ENOX2: variants seen among roughly 807,000 people sequenced by gnomAD.
ENOX2 encodes ecto-NOX disulfide-thiol exchanger 2.
In ENOX2, 36 loss-of-function variants were observed where a neutral mutation model predicts 45.0. That is an observed-to-expected ratio of 0.80 (90% CI 0.61 to 1.06). The LOEUF is 1.06. ENOX2 is among the 50% of genes least tolerant of loss of function. The pLI is 0.00. For missense variants in ENOX2, 423 were observed against 462.5 expected, an observed-to-expected ratio of 0.91 and a Z score of 0.78; for synonymous variants, 174 against 152.3, an observed-to-expected ratio of 1.14 and a Z score of -1.05.
rs770242470 is a variant in ENOX2 at position 130,798,119 on chromosome X, T to TA, written c.-182-14430dup. On this transcript the variant is annotated intron_variant, in intron 2 of 14. Transcript: ENST00000394363. Reference sequence around the variant, plus strand: ...GGGTGGAACCTAAGCATCTAGTTTTTAAAAGCCACCAGGTGGCCAGGCATG... The same window carrying TA: ...GGGTGGAACCTAAGCATCTAGTTTTTAAAAAGCCACCAGGTGGCCAGGCATG... Among the ~76,000 whole-genome samples, 69 of 111,770 alleles carry TA rather than the reference T, an allele frequency of 6.2e-4. 2 individuals carry two copies. In the South Asian group the frequency reaches 0.026, roughly 41 times the overall value.
chrX:130,696,228 C>T (rs746166068), intron 4 of ENOX2, among the ~76,000 whole-genome samples: 145 of 111,927 alleles, frequency 1.3e-3, no homozygotes, highest in Non-Finnish European at 2.2e-3. Flanking sequence ...TCCTTTAGTG[C>T]AAAGTTTTGC....
rs368789969 is a variant in ENOX2, at chrX:130,846,893, C to G, written c.-183+54791G>C. Reference sequence around the variant, plus strand: ...AGAGAAAAAATCCATACTTCATAAGCAGAAAGCTGAAACTATGTCCAACCA... The same window carrying G: ...AGAGAAAAAATCCATACTTCATAAGGAGAAAGCTGAAACTATGTCCAACCA... On this transcript the variant is annotated intron_variant, in intron 2 of 14. Transcript: ENST00000394363. Among the ~76,000 whole-genome samples the G allele has an allele frequency of 3.6e-5, 4 of 111,976 alleles. No homozygotes were observed. In the East Asian group the frequency reaches 1.1e-3, roughly 31 times the overall value.
intron 2 of ENOX2, among the ~76,000 whole-genome samples, chrX:130,811,011 C>G (rs929138340): frequency 2.7e-5 from 3 of 112,165 alleles, no homozygotes; most frequent in Non-Finnish European, 3.8e-5. Flanking sequence ...TCAGAAAACC[C>G]AGGGTACTGC....
chrX:130,662,534 C>CTAGTTGAT (rs1472788852), intron 9 of ENOX2, among the ~76,000 whole-genome samples: 2 of 111,558 alleles, frequency 1.8e-5, no homozygotes, highest in Non-Finnish European at 3.8e-5. Flanking sequence ...ATAAGGCAGC[C>CTAGTTGAT]TAGTTGATTA....
In ENOX2 at chrX:130,709,457, G is replaced by A. The variant is rs913985596; in HGVS notation, c.-38-6203C>T. 3 of 464,704 alleles carry A rather than the reference G, an allele frequency of 6.5e-6. No homozygotes were observed. The African/African-American group carries it at 7.3e-5, about 11-fold the overall frequency. The allele number at this position is 464,704 out of a possible 1,213,427, so 38.3% of individuals were successfully genotyped here. A position where few individuals can be genotyped will look rare whatever the true frequency, so the allele number is the denominator to read the frequency against. ...AGTTCAAGACCAGCCAGGTCAACAT[G>A]GTAAAACCCAACGTCTACTAAAAAT... On this transcript the variant is annotated intron_variant, in intron 3 of 14. Coordinates refer to ENST00000394363, the MANE Select transcript of ENOX2 (RefSeq NM_006375.4).
At chrX:130,748,244 G>A (rs2039139186) in intron 3 of ENOX2, among the ~76,000 whole-genome samples, 1 of 111,987 alleles carries the variant, frequency 8.9e-6, no homozygotes, top group Non-Finnish European at 1.9e-5. Flanking sequence ...GATACTGTGG[G>A]AAGTATATTA....
chrX:130,753,762 A>G (rs1372608624), intron 3 of ENOX2, among the ~76,000 whole-genome samples: 1 of 111,514 alleles, frequency 9.0e-6, no homozygotes, highest in African/African-American at 3.3e-5. Flanking sequence ...TCATCTATTG[A>G]TACACGGTTA....
intron 5 of ENOX2, among the ~76,000 whole-genome samples, chrX:130,682,583 CAAAAAAAAAAAAAAAAAAAAAA>C (rs55875735): frequency 1.4e-4 from 2 of 14,659 alleles, no homozygotes; most frequent in South Asian, 0.014. Context: ...GACTCCGTCT[CAAAAAAAAAAAAAAAAAAAAAA>C]AAAAAAAAAA....
At chrX:130,639,241 G>C (rs947923764) in intron 10 of ENOX2, among the ~76,000 whole-genome samples, 5 of 111,899 alleles carry the variant, frequency 4.5e-5, no homozygotes, top group Non-Finnish European at 9.4e-5. Flanking sequence ...TGGGGTTTTA[G>C]AAGAACCTAA....
chrX:130,636,022 A>G (rs1220805056), intron 11 of ENOX2, among the ~76,000 whole-genome samples: 14 of 112,217 alleles, frequency 1.2e-4, no homozygotes, highest in African/African-American at 4.2e-4. Context: ...AAAATCAAAG[A>G]GGGGAAAAAC....
intron 2 of ENOX2, among the ~76,000 whole-genome samples, chrX:130,826,740 A>G (rs770735418): frequency 3.9e-4 from 44 of 112,233 alleles, no homozygotes; most frequent in Admixed American, 9.5e-4. Flanking sequence ...AAAATCCTAG[A>G]AAGTCTGGGA....
chrX:130,672,507 G>C (rs926750431), intron 6 of ENOX2, among the ~76,000 whole-genome samples: 5 of 112,690 alleles, frequency 4.4e-5, no homozygotes. Context: ...CCTGAGGTTG[G>C]GCCCAAGCAG....
At chrX:130,655,904 C>T (rs1008811803) in intron 10 of ENOX2, among the ~76,000 whole-genome samples, 1 of 112,257 alleles carries the variant, frequency 8.9e-6, no homozygotes, top group Non-Finnish European at 1.9e-5. Context: ...TCCCAAAGTG[C>T]TGAGATTACA....
chrX:130,793,688 C>T (rs933309638), intron 2 of ENOX2, among the ~76,000 whole-genome samples: 4 of 111,672 alleles, frequency 3.6e-5, no homozygotes, highest in Non-Finnish European at 7.5e-5. Context: ...TCTCCCAGGC[C>T]TGGTAAAGGG....
chrX:130,851,369 T>C (rs1454513940), intron 2 of ENOX2, among the ~76,000 whole-genome samples: 1 of 111,500 alleles, frequency 9.0e-6, no homozygotes, highest in Non-Finnish European at 1.9e-5. Context: ...TACAGGCAGA[T>C]GTCACCATGC....
At chrX:130,625,901 A>ATCTC (rs758159264) in intron 14 of ENOX2, among the ~76,000 whole-genome samples, 2 of 101,490 alleles carry the variant, frequency 2.0e-5, no homozygotes, top group Non-Finnish European at 4.0e-5. Context: ...CTGCATCCCC[A>ATCTC]TCTCTCTCTC....
intron 5 of ENOX2, among the ~76,000 whole-genome samples, chrX:130,683,090 T>C (rs751099203): frequency 7.1e-5 from 8 of 112,020 alleles, no homozygotes; most frequent in Non-Finnish European, 1.1e-4. Context: ...TAATCTCTGG[T>C]AATGGAAAAG....
chrX:130,664,047 C>T (rs2036768464), intron 9 of ENOX2, among the ~76,000 whole-genome samples: 1 of 111,715 alleles, frequency 9.0e-6, no homozygotes, highest in East Asian at 2.8e-4. Context: ...TTCCTTTTCT[C>T]CCCTAATTCT....
intron 3 of ENOX2, among the ~76,000 whole-genome samples, chrX:130,780,937 G>A (rs1451146201): frequency 9.0e-6 from 1 of 111,338 alleles, no homozygotes; most frequent in Non-Finnish European, 1.9e-5. Context: ...TAGCTCCTTT[G>A]GGAACTTCCA....
Sources: allele counts gnomAD v4.1 joint callset (sites outside exome capture counted in the v4.1 genomes callset), GRCh38; gene constraint gnomAD v4.1.1; transcripts MANE v1.5; gene names NCBI Gene and HGNC (gene_info 2026-07-23, HGNC 2026-07-21).